Variants in SMARCC1 observed in about 807,000 individuals in gnomAD.
SMARCC1 encodes SWI/SNF complex subunit SMARCC1.
SMARCC1 carries 43 observed loss-of-function variants against 147.4 expected under a neutral mutation model. That is an observed-to-expected ratio of 0.29 (90% CI 0.23 to 0.38). The LOEUF (loss-of-function observed/expected upper bound fraction) is 0.38, where lower values mean the gene tolerates loss of function less well. Among genes scored for constraint, SMARCC1 ranks in the 10% least tolerant of loss-of-function variants. The probability of loss-of-function intolerance (pLI) is 1.00; values close to 1 mark genes in which losing one functional copy is unlikely to be tolerated. For missense variants in SMARCC1, 1,119 were observed against 1,381.1 expected (o/e 0.81, Z 3.01); for synonymous variants, 495 against 484.4 (o/e 1.02, Z -0.29).
chr3:47,673,406 G>T (rs375424585), intron 18 of SMARCC1, among the ~76,000 whole-genome samples: 2 of 126,046 alleles, frequency 1.6e-5, no homozygotes, highest in East Asian at 3.1e-4. Flanking sequence ...GGGTGGGGGG[G>T]GGGCAGGCCA....
Position 47,661,331 on chromosome 3 carries a change from G to A in SMARCC1, c.2283C>T (p.Cys761=), listed in dbSNP as rs778143551. 6.2e-7 allele frequency: 1 copy of A among 1,613,422 alleles called. No homozygotes were observed. The highest frequency in any genetic ancestry group is 8.5e-7 in the Non-Finnish European group (1 of 1,179,830). ...GCTCATCGGGCCCTGTGCCTGCAAT[G>A]CAGCTGCTCTCCAGACCGTAGGTGG... ...VDPTYGLESS[C]IAGTGPDEPE... is the part of the protein sequence containing the mutation. The change falls in exon 21 of 28, where the codon TGC becomes TGT. Residue 761 remains cysteine, a synonymous_variant. Transcript: ENST00000254480.
chr3:47,620,003 C>A (rs1456104257), intron 25 of SMARCC1, among the ~76,000 whole-genome samples: 1 of 152,158 alleles, frequency 6.6e-6, no homozygotes, highest in Non-Finnish European at 1.5e-5. Flanking sequence ...CTAAAATGAT[C>A]AGTATTCTGG....
intron 7 of SMARCC1, among the ~76,000 whole-genome samples, chr3:47,717,372 C>G (rs1427361867): frequency 6.6e-6 from 1 of 152,082 alleles, no homozygotes. Flanking sequence ...GACAAACCAA[C>G]TGGTTTCTTA....
intron 19 of SMARCC1, chr3:47,670,423 A>C: frequency 2.0e-6 from 1 of 492,874 alleles, no homozygotes; most frequent in East Asian, 3.4e-5. Context: ...CATTGCTACA[A>C]AAAATACAAA....
At chr3:47,661,476 G>A (rs1397713009) in intron 20 of SMARCC1, 21 bp from the exon 21 acceptor site, 1 of 1,588,076 alleles carries the variant, frequency 6.3e-7, no homozygotes, top group Non-Finnish European at 8.5e-7. Flanking sequence ...AATAAAAATG[G>A]AACAGCAATC....
At chr3:47,776,009 A>G (rs1416472808) in intron 1 of SMARCC1, among the ~76,000 whole-genome samples, 1 of 151,970 alleles carries the variant, frequency 6.6e-6, no homozygotes, top group East Asian at 1.9e-4. Context: ...TGAGCCAGGC[A>G]TGGTGGTGCA....
chr3:47,624,998 C>T (rs2032788116), intron 24 of SMARCC1, among the ~76,000 whole-genome samples: 1 of 151,446 alleles, frequency 6.6e-6, no homozygotes, highest in Non-Finnish European at 1.5e-5. Flanking sequence ...CCACAGCACT[C>T]CAGCCTAGGC....
At chr3:47,781,390 G>A (rs945363005) in intron 1 of SMARCC1, among the ~76,000 whole-genome samples, 2 of 152,206 alleles carry the variant, frequency 1.3e-5, no homozygotes, top group South Asian at 2.1e-4. Context: ...CACCATGGGT[G>A]CGTAGGCTCA....
chr3:47,622,646 A>G (rs1456018235), intron 24 of SMARCC1, among the ~76,000 whole-genome samples: 1 of 152,090 alleles, frequency 6.6e-6, no homozygotes, highest in Admixed American at 6.6e-5. Flanking sequence ...GTACTTTGCC[A>G]CCTACCACCC....
intron 7 of SMARCC1, among the ~76,000 whole-genome samples, chr3:47,716,173 T>C (rs1025533052): frequency 6.6e-6 from 1 of 151,656 alleles, no homozygotes; most frequent in Non-Finnish European, 1.5e-5. Context: ...TCCAGCACTT[T>C]GGGAGGCCAA....
chr3:47,673,561 C>T (rs915867254), intron 18 of SMARCC1, among the ~76,000 whole-genome samples: 5 of 152,070 alleles, frequency 3.3e-5, no homozygotes, highest in African/African-American at 7.2e-5. Flanking sequence ...TGGTGGCACA[C>T]GCCTGTAATC....
intron 2 of SMARCC1, among the ~76,000 whole-genome samples, chr3:47,757,783 CAA>C (rs60788109): frequency 1.2e-4 from 13 of 106,424 alleles, no homozygotes; most frequent in Non-Finnish European, 1.1e-4. Flanking sequence ...GGCTCCGTAT[CAA>C]AAAAAAAAAA....
At chr3:47,649,233 C>T (rs1559634380) in intron 21 of SMARCC1, among the ~76,000 whole-genome samples, 2 of 152,158 alleles carry the variant, frequency 1.3e-5, no homozygotes, top group African/African-American at 4.8e-5. Context: ...GGTGTTTTCA[C>T]ACATGGTGTT....
At chr3:47,711,320 T>C (rs188083744) in intron 8 of SMARCC1, among the ~76,000 whole-genome samples, 4 of 152,210 alleles carry the variant, frequency 2.6e-5, no homozygotes, top group Non-Finnish European at 5.9e-5. Flanking sequence ...ACCTCCCTTG[T>C]TTAATTTCAT....
chr3:47,732,165 G>A (rs1403837752), intron 5 of SMARCC1, among the ~76,000 whole-genome samples: 1 of 152,104 alleles, frequency 6.6e-6, no homozygotes, highest in African/African-American at 2.4e-5. Flanking sequence ...TCTGAAAACG[G>A]CTTCTTTCCT....
chr3:47,752,675 A>C (rs919914522), intron 2 of SMARCC1, among the ~76,000 whole-genome samples: 4 of 152,150 alleles, frequency 2.6e-5, no homozygotes, highest in Non-Finnish European at 2.9e-5. Flanking sequence ...TGTACCTCCC[A>C]GCTACCCAGT....
intron 2 of SMARCC1, among the ~76,000 whole-genome samples, chr3:47,751,190 G>A (rs1326253134): frequency 1.3e-5 from 2 of 152,120 alleles, no homozygotes; most frequent in Non-Finnish European, 2.9e-5. Flanking sequence ...GAGCCACCGC[G>A]CCTGGCCGAC....
intron 16 of SMARCC1, among the ~76,000 whole-genome samples, chr3:47,677,424 G>A (rs951549459): frequency 1.6e-4 from 24 of 148,814 alleles, no homozygotes; most frequent in Admixed American, 1.0e-3. Context: ...TTTTAATTTC[G>A]GCAGAGCTAG....
intron 12 of SMARCC1, among the ~76,000 whole-genome samples, chr3:47,691,065 T>C (rs1410620287): frequency 6.6e-6 from 1 of 152,202 alleles, no homozygotes; most frequent in Non-Finnish European, 1.5e-5. Flanking sequence ...GTCTGACGAA[T>C]TTCATTCCCC....
Sources: gnomAD v4.1 joint callset for allele counts (sites outside exome capture counted in the v4.1 genomes callset) on GRCh38, gnomAD v4.1.1 for gene constraint, MANE v1.5 for transcripts, NCBI Gene and HGNC (gene_info 2026-07-23, HGNC 2026-07-21) for gene names.